Variants in SIM2 observed in about 807,000 individuals in gnomAD.
The protein encoded by SIM2 is single-minded homolog 2.
Under a neutral mutation model 64.8 loss-of-function variants are expected in SIM2, and 28 were observed. The observed-to-expected ratio is 0.43, with a 90% confidence interval of 0.32 to 0.59. SIM2 has a LOEUF of 0.59. Among genes scored for constraint, SIM2 ranks in the 20% least tolerant of loss-of-function variants. The probability of loss-of-function intolerance (pLI) is 0.07; values close to 1 mark genes in which losing one functional copy is unlikely to be tolerated. For synonymous variants in SIM2, 408 were observed against 391.1 expected, an observed-to-expected ratio of 1.04 and a Z score of -0.51; for missense variants, 847 against 871.4, an observed-to-expected ratio of 0.97 and a Z score of 0.35.
At chr21:36,737,973 A>AAAAAAAAAAAAAAAAAAAAAAAAGC (rs1555877008) in intron 7 of SIM2, among the ~76,000 whole-genome samples, 2 of 120,348 alleles carry the variant, frequency 1.7e-5, no homozygotes, top group Non-Finnish European at 3.9e-5. Context: ...AAAAAAAAAA[A>AAAAAAAAAAAAAAAAAAAAAAAAGC]AAAAAAAAAG....
chr21:36,737,988 A>T (rs2089097473), intron 7 of SIM2, among the ~76,000 whole-genome samples: 1 of 149,918 alleles, frequency 6.7e-6, no homozygotes, highest in Non-Finnish European at 1.5e-5. Flanking sequence ...AAAAAGCAAA[A>T]AAAAAGCAAA....
Position 36,709,266 on chromosome 21 carries a change from C to CG in SIM2, c.258+21dup. On this transcript the variant is annotated intron_variant, in intron 2 of 10. Transcript: ENST00000290399. ...CTTGCTGCAGGTAGAGCGGCCTCGC[C>CG]GGGGGAGGAGCGCAGCCGCCGCAGG... The CG allele has an allele frequency of 6.3e-7, 1 of 1,575,334 alleles. No individual in the cohort carries two copies. The highest frequency in any genetic ancestry group is 8.6e-7 in the Non-Finnish European group (1 of 1,162,066).
Position 36,747,922 on chromosome 21 carries a change from C to A in SIM2, c.1834C>A (p.Leu612Met). 9.6e-7 allele frequency: 1 copy of A among 1,039,878 alleles called. No homozygotes were observed. The highest frequency in any genetic ancestry group is 1.2e-6 in the Non-Finnish European group (1 of 863,264). The allele number at this position is 1,039,878 out of a possible 1,614,324, so 64.4% of individuals were successfully genotyped here. ...YHRVLARRGP[L>M]GGAAPAASGL... ...CCGCGTGCTGGCCCGGCGCGGACCG[C>A]TGGGGGGCGCCGCACCCGCCGCCTC... The change falls in exon 11 of 11, where the codon CTG (leucine) becomes ATG (methionine). Residue 612 changes from leucine (L) to methionine (M), a missense_variant. By Grantham distance (15) the Leu-to-Met change is conservative. Transcript: ENST00000290399. This position sits in a 1 kb window ranked among gnomAD's most constrained non-coding sequence, Gnocchi z 4.5.
At chr21:36,728,769 C>T (rs2088927637) in intron 6 of SIM2, among the ~76,000 whole-genome samples, 1 of 152,214 alleles carries the variant, frequency 6.6e-6, no homozygotes, top group African/African-American at 2.4e-5. Context: ...TGGGAGATGT[C>T]CCTTCTGAGT....
chr21:36,728,669 C>A (rs2088926334), intron 6 of SIM2, among the ~76,000 whole-genome samples: 1 of 152,220 alleles, frequency 6.6e-6, no homozygotes, highest in Admixed American at 6.5e-5. Flanking sequence ...GCTGCAGAGG[C>A]CTTCCCAGTC....
Position 36,748,141 on chromosome 21 carries a change from C to T in SIM2, c.*49C>T, listed in dbSNP as rs1210049807. 12 of 1,041,864 alleles carry T rather than the reference C, an allele frequency of 1.2e-5. No homozygotes were observed. The highest frequency in any genetic ancestry group is 1.7e-5 in the African/African-American group (1 of 59,318). The allele number at this position is 1,041,864 out of a possible 1,614,324, so 64.5% of individuals were successfully genotyped here. Reference sequence around the variant, plus strand: ...GCCTGGACCCGGCCTCCCGGGGCTGCGGCGCCACCGAGCCCGGCAAATGCG... The same window carrying T: ...GCCTGGACCCGGCCTCCCGGGGCTGTGGCGCCACCGAGCCCGGCAAATGCG... On this transcript the variant is annotated 3_prime_UTR_variant, in exon 11 of 11. Transcript: ENST00000290399.
At chr21:36,732,224 A>T (rs1466790818) in intron 7 of SIM2, among the ~76,000 whole-genome samples, 2 of 152,214 alleles carry the variant, frequency 1.3e-5, no homozygotes, top group African/African-American at 4.8e-5. Context: ...ACTAATTTGG[A>T]TGGAGTGGAA....
chr21:36,719,746 T>G, intron 3 of SIM2, 75 bp from the exon 4 acceptor site: 1 of 850,574 alleles, frequency 1.2e-6, no homozygotes, highest in Non-Finnish European at 2.0e-6. Flanking sequence ...TGAGCACCTG[T>G]GACACACCTT....
intron 9 of SIM2, 34 bp from the exon 10 acceptor site, chr21:36,744,694 C>A: frequency 6.5e-7 from 1 of 1,533,210 alleles, no homozygotes; most frequent in South Asian, 1.3e-5. Context: ...GCCGGCCCCT[C>A]GCTGGCCCTT....
chr21:36,711,220 T>G (rs2088672293), intron 2 of SIM2, among the ~76,000 whole-genome samples: 1 of 152,236 alleles, frequency 6.6e-6, no homozygotes, highest in African/African-American at 2.4e-5. Context: ...TATGGCTGGT[T>G]GTGAGATACT....
At chr21:36,738,660 C>T (rs935788949) in intron 7 of SIM2, among the ~76,000 whole-genome samples, 1 of 152,232 alleles carries the variant, frequency 6.6e-6, no homozygotes, top group Admixed American at 6.5e-5. Flanking sequence ...CTGTTGGCCC[C>T]GGTTTCCTGG....
intron 3 of SIM2, among the ~76,000 whole-genome samples, chr21:36,717,359 A>G (rs2088760569): frequency 6.6e-6 from 1 of 152,164 alleles, no homozygotes; most frequent in African/African-American, 2.4e-5. Flanking sequence ...ATAGGCCAAT[A>G]TAACATTTCT....
Position 36,749,713 on chromosome 21 carries a change from A to G in SIM2, c.*1621A>G, listed in dbSNP as rs2089310836. 1 of 152,208 alleles carries G rather than the reference A, an allele frequency of 6.6e-6. No homozygotes were observed. Among genetic ancestry groups the G allele is most frequent in the Non-Finnish European group, 1.5e-5 (1 of 68,040 alleles). 9.4% of individuals were successfully genotyped at this position (152,208 alleles called of 1,614,324 possible). On this transcript the variant is annotated 3_prime_UTR_variant, in exon 11 of 11. Coordinates refer to ENST00000290399, the MANE Select transcript of SIM2 (RefSeq NM_005069.6). ...TTTTTTTATGTTCATGAGTCTTGTA[A>G]TTAAACCGTGATTCTTGAAAGGTGT...
intron 1 of SIM2, among the ~76,000 whole-genome samples, chr21:36,702,236 G>A (rs1257366270): frequency 6.6e-6 from 1 of 152,226 alleles, no homozygotes; most frequent in Non-Finnish European, 1.5e-5. Flanking sequence ...TGCACTGGTG[G>A]CAGGTTTGGG....
intron 6 of SIM2, among the ~76,000 whole-genome samples, chr21:36,729,483 C>T (rs908844713): frequency 6.6e-6 from 1 of 152,180 alleles, no homozygotes; most frequent in Non-Finnish European, 1.5e-5. Context: ...AAACATGAGG[C>T]TCTCCGAGAT....
At position 36,747,343 on chromosome 21, in the gene SIM2, CAAAA is replaced by C. The variant is rs537543938; in HGVS notation, c.1577-311_1577-308del. 8.5e-6 allele frequency among the ~76,000 whole-genome samples: 1 copy of C among 117,570 alleles called. No homozygotes were observed. 77.1% of individuals were successfully genotyped at this position (117,570 alleles called of 152,430 possible). On this transcript the variant is annotated intron_variant, in intron 10 of 10. Transcript: ENST00000290399. This position sits in a 1 kb window ranked among gnomAD's most constrained non-coding sequence, Gnocchi z 4.5. ...TGACCTGCGCTCTGCATCTCAGGAC[CAAAA>C]AAAAAAAAAAGAAAATATCCCAATA...
chr21:36,714,615 C>T (rs1159425739), intron 3 of SIM2, among the ~76,000 whole-genome samples: 2 of 152,174 alleles, frequency 1.3e-5, no homozygotes, highest in African/African-American at 4.8e-5. Flanking sequence ...AACTTGCTTT[C>T]AGTAGAGTCC....
At chr21:36,724,696 G>A (rs186429117) in intron 5 of SIM2, among the ~76,000 whole-genome samples, 1 of 152,298 alleles carries the variant, frequency 6.6e-6, no homozygotes, top group East Asian at 1.9e-4. Context: ...AGAATAGACT[G>A]GAAGGATTTT....
At chr21:36,708,637 G>A (rs969484636) in intron 1 of SIM2, among the ~76,000 whole-genome samples, 2 of 152,228 alleles carry the variant, frequency 1.3e-5, no homozygotes, top group Non-Finnish European at 2.9e-5. Context: ...GTAGCGTGTA[G>A]GGGGTTTTTT....
Sources: allele counts gnomAD v4.1 joint callset (sites outside exome capture counted in the v4.1 genomes callset), GRCh38; gene constraint gnomAD v4.1.1; non-coding constraint Gnocchi (gnomAD v3.1); transcripts MANE v1.5; gene names NCBI Gene and HGNC (gene_info 2026-07-23, HGNC 2026-07-21).